ITCH: variants seen among roughly 807,000 people sequenced by gnomAD.
The protein encoded by ITCH is itchy E3 ubiquitin protein ligase.
Under a neutral mutation model 126.8 loss-of-function variants are expected in ITCH, and 28 were observed. The ratio of observed to expected loss-of-function variants is 0.22; its 90% CI spans 0.16 to 0.30. ITCH has a LOEUF of 0.30. Among genes scored for constraint, ITCH ranks in the 10% least tolerant of loss-of-function variants. ITCH has a pLI of 1.00. For synonymous variants in ITCH, 342 were observed against 340.0 expected (o/e 1.01, Z -0.06); for missense variants, 631 against 1,032.4 (o/e 0.61, Z 5.33).
chr20:34,437,966 T>C (rs1052603183), intron 7 of ITCH, among the ~76,000 whole-genome samples: 4 of 152,232 alleles, frequency 2.6e-5, no homozygotes, highest in African/African-American at 9.6e-5. Context: ...GAACATTTTG[T>C]GTACCATTGT....
intron 3 of ITCH, among the ~76,000 whole-genome samples, chr20:34,399,947 GT>G (rs1026992940): frequency 4.8e-5 from 7 of 147,014 alleles, no homozygotes; most frequent in African/African-American, 1.0e-4. Context: ...TTGTGTTTTT[GT>G]TTTTTTTTTA....
In ITCH at chr20:34,508,388, T is replaced by G. The variant is rs2146586644; in HGVS notation, c.*594T>G. 1.3e-5 allele frequency: 2 copies of G among 156,850 alleles called. No individual in the cohort carries two copies. Among genetic ancestry groups the G allele is most frequent in the East Asian group, 3.7e-4 (2 of 5,356 alleles). The allele number at this position is 156,850 out of a possible 1,614,324, so 9.7% of individuals were successfully genotyped here. A position where few individuals can be genotyped will look rare whatever the true frequency, so the allele number is the denominator to read the frequency against. On this transcript the variant is annotated 3_prime_UTR_variant, in exon 25 of 25. Transcript: ENST00000374864. ...CATCTCTACAAAGTAGTTTTGTCAA[T>G]TTGAATTCAGGGAAAAGTTGGTCAC...
At chr20:34,386,020 C>T (rs1287184530) in intron 2 of ITCH, among the ~76,000 whole-genome samples, 1 of 152,034 alleles carries the variant, frequency 6.6e-6, no homozygotes, top group African/African-American at 2.4e-5. Flanking sequence ...TATTTACCCT[C>T]TGCTCCAATC....
At chr20:34,393,097 T>C (rs1050940973) in intron 2 of ITCH, among the ~76,000 whole-genome samples, 14 of 152,294 alleles carry the variant, frequency 9.2e-5, no homozygotes, top group African/African-American at 2.4e-4. Flanking sequence ...CTAACAGTTA[T>C]GTATGCCTTT....
chr20:34,368,064 A>G (rs1160760875), intron 1 of ITCH, among the ~76,000 whole-genome samples: 2 of 152,034 alleles, frequency 1.3e-5, no homozygotes, highest in East Asian at 3.9e-4. Context: ...AGGTCAGGAG[A>G]TCGAGATCAT....
At chr20:34,373,501 C>T (rs941449494) in intron 2 of ITCH, among the ~76,000 whole-genome samples, 3 of 152,214 alleles carry the variant, frequency 2.0e-5, no homozygotes, top group East Asian at 1.9e-4. Flanking sequence ...GTCTCAAACT[C>T]CTGACTTCAG....
chr20:34,389,539 T>G lies in ITCH; in HGVS notation c.-21-4252T>G, dbSNP rs191890174. The stretch of plus-strand genomic sequence containing the variant: ...GCTACAAAAGAGAAACACTTGAGGG[T>G]GAAAAAGATTAACTGTAAGAAAATG... On this transcript the variant is annotated intron_variant, in intron 2 of 24. Coordinates refer to ENST00000374864, the MANE Select transcript of ITCH (RefSeq NM_031483.7). 2.0e-3 allele frequency among the ~76,000 whole-genome samples: 299 copies of G among 150,950 alleles called. 5 individuals carry two copies. Among genetic ancestry groups the G allele is most frequent in the Admixed American group, 0.017 (257 of 14,966 alleles).
chr20:34,405,690 G>T (rs973216649), intron 3 of ITCH, among the ~76,000 whole-genome samples: 1 of 152,240 alleles, frequency 6.6e-6, no homozygotes, highest in Non-Finnish European at 1.5e-5. Flanking sequence ...GACCAGAAAT[G>T]TATTAAAAGT....
intron 24 of ITCH, among the ~76,000 whole-genome samples, chr20:34,506,800 C>T (rs371104221): frequency 2.0e-4 from 30 of 152,284 alleles, no homozygotes; most frequent in African/African-American, 6.7e-4. Flanking sequence ...TTTAGTACTT[C>T]GTAAGTGTAG....
intron 14 of ITCH, among the ~76,000 whole-genome samples, chr20:34,462,841 A>G (rs1455009893): frequency 6.6e-6 from 1 of 152,136 alleles, no homozygotes; most frequent in Non-Finnish European, 1.5e-5. Flanking sequence ...ACCTCATATT[A>G]TTGGAGTCAT....
chr20:34,485,615 A>T (rs1198791557), intron 20 of ITCH, among the ~76,000 whole-genome samples: 1 of 151,998 alleles, frequency 6.6e-6, no homozygotes, highest in Non-Finnish European at 1.5e-5. Flanking sequence ...AATATTTCAG[A>T]TCATTGATTT....
intron 14 of ITCH, among the ~76,000 whole-genome samples, chr20:34,463,431 AGTTAGG>A (rs762033501): frequency 6.6e-6 from 1 of 152,172 alleles, no homozygotes; most frequent in Non-Finnish European, 1.5e-5. Flanking sequence ...TGTACCCAAA[AGTTAGG>A]GTTAGGGTTA....
At position 34,508,763 on chromosome 20, in the gene ITCH, C is replaced by T. The variant is rs1568587746; in HGVS notation, c.*969C>T. ...TCTCTGGTGATTTTTATATGTTCCG[C>T]TATATAATTGATGCTTTATAGTTTT... On this transcript the variant is annotated 3_prime_UTR_variant, in exon 25 of 25. Transcript: ENST00000374864. 1.3e-5 allele frequency: 2 copies of T among 152,128 alleles called. No homozygotes were observed. Among genetic ancestry groups the T allele is most frequent in the Non-Finnish European group, 2.9e-5 (2 of 68,026 alleles). 9.4% of individuals were successfully genotyped at this position (152,128 alleles called of 1,614,324 possible). A position where few individuals can be genotyped will look rare whatever the true frequency, so the allele number is the denominator to read the frequency against.
At chr20:34,418,757 C>CTTTTTTTTTTTTTTTTTTTTTTTTTTTT (rs373974620) in intron 6 of ITCH, among the ~76,000 whole-genome samples, 1 of 116,524 alleles carries the variant, frequency 8.6e-6, no homozygotes, top group Non-Finnish European at 1.7e-5. Context: ...TCTTTTTTTC[C>CTTTTTTTTTTTTTTTTTTTTTTTTTTTT]TTTTTTTTTT....
At chr20:34,417,390 G>A (rs1271601447) in intron 6 of ITCH, among the ~76,000 whole-genome samples, 12 of 142,448 alleles carry the variant, frequency 8.4e-5, no homozygotes, top group African/African-American at 1.8e-4. Context: ...GAGCCACTGC[G>A]CCCGGCTGAC....
intron 12 of ITCH, among the ~76,000 whole-genome samples, chr20:34,455,661 A>G (rs1005827662): frequency 8.7e-5 from 13 of 149,784 alleles, no homozygotes; most frequent in African/African-American, 3.0e-4. Flanking sequence ...GTATTTTAGT[A>G]GAGACGGGGT....
At chr20:34,482,066 T>A (rs1031229989) in intron 20 of ITCH, among the ~76,000 whole-genome samples, 1 of 152,146 alleles carries the variant, frequency 6.6e-6, no homozygotes, top group African/African-American at 2.4e-5. Context: ...ACATATTCAC[T>A]GTCATGCAAA....
chr20:34,474,871 C>T (rs570689077), intron 16 of ITCH, among the ~76,000 whole-genome samples: 2 of 151,688 alleles, frequency 1.3e-5, no homozygotes, highest in Admixed American at 6.6e-5. Flanking sequence ...GGGCGGCTGC[C>T]GGGCGGAGGG....
intron 2 of ITCH, among the ~76,000 whole-genome samples, chr20:34,389,430 C>T (rs1240967689): frequency 6.6e-6 from 1 of 152,080 alleles, no homozygotes; most frequent in Non-Finnish European, 1.5e-5. Flanking sequence ...ATGCCATGCT[C>T]TCTGTGTGAG....
Sources: allele counts gnomAD v4.1 joint callset (sites outside exome capture counted in the v4.1 genomes callset), GRCh38; gene constraint gnomAD v4.1.1; transcripts MANE v1.5; gene names NCBI Gene and HGNC (gene_info 2026-07-23, HGNC 2026-07-21).